GRM7: variants seen among roughly 807,000 people sequenced by gnomAD.
GRM7 encodes glutamate metabotropic receptor 7.
A neutral mutation model predicts 84.5 loss-of-function variants in GRM7; 35 were observed. That is an observed-to-expected ratio of 0.41 (90% confidence interval 0.32 to 0.55). The LOEUF (loss-of-function observed/expected upper bound fraction) is 0.55. Ranked by LOEUF, GRM7 falls within the 20% of genes least tolerant of loss-of-function variation. The pLI is 0.19. For synonymous variants in GRM7, 487 were observed against 455.1 expected (o/e 1.07, Z -0.89); for missense variants, 1,003 against 1,194.6 (o/e 0.84, Z 2.36).
At chr3:7,068,826 C>A (rs11928877) in intron 1 of GRM7, among the ~76,000 whole-genome samples, 18,594 of 151,768 alleles carry the variant, frequency 0.12, 1,685 homozygotes, top group African/African-American at 0.25. Context: ...CTCAAAAAAA[C>A]CCCTGATATA....
intron 7 of GRM7, among the ~76,000 whole-genome samples, chr3:7,461,996 A>G (rs1258309473): frequency 1.3e-5 from 2 of 152,154 alleles, no homozygotes; most frequent in Non-Finnish European, 2.9e-5. Flanking sequence ...ACAGGTTACT[A>G]CTTAGCAATT....
chr3:7,475,741 C>G (rs924857779), intron 7 of GRM7, among the ~76,000 whole-genome samples: 1 of 152,160 alleles, frequency 6.6e-6, no homozygotes, highest in African/African-American at 2.4e-5. Flanking sequence ...TTTCTGGAAG[C>G]CTTGCAGATT....
intron 4 of GRM7, among the ~76,000 whole-genome samples, chr3:7,390,796 C>G (rs1021549499): frequency 4.6e-5 from 7 of 151,756 alleles, no homozygotes; most frequent in Admixed American, 1.3e-4. Flanking sequence ...TTTCTTGGGT[C>G]TGGTTGAGTT....
chr3:7,473,489 G>GGGGAGAGAGAGA (rs1553603707), intron 7 of GRM7, among the ~76,000 whole-genome samples: 70 of 126,502 alleles, frequency 5.5e-4, no homozygotes, highest in African/African-American at 2.0e-3. Flanking sequence ...AAAACGAGAG[G>GGGGAGAGAGAGA]GAGAGAGAGA....
At chr3:7,321,781 A>G (rs1700792394) in intron 4 of GRM7, among the ~76,000 whole-genome samples, 1 of 152,140 alleles carries the variant, frequency 6.6e-6, no homozygotes, top group Admixed American at 6.6e-5. Context: ...AATTTATTCT[A>G]CATAAGCCAA....
chr3:7,205,623 A>G (rs1459111770), intron 2 of GRM7, among the ~76,000 whole-genome samples: 3 of 152,232 alleles, frequency 2.0e-5, no homozygotes, highest in Admixed American at 2.0e-4. Context: ...CTATTTGAGG[A>G]TGAATTTAAC....
chr3:7,342,295 G>GCTGT (rs1692676544), intron 4 of GRM7, among the ~76,000 whole-genome samples: 1 of 152,088 alleles, frequency 6.6e-6, no homozygotes, highest in African/African-American at 2.4e-5. Flanking sequence ...TCTCAATCCA[G>GCTGT]ACATCAAAAC....
chr3:6,944,577 T>C (rs986334441), intron 1 of GRM7, among the ~76,000 whole-genome samples: 2 of 152,190 alleles, frequency 1.3e-5, no homozygotes, highest in African/African-American at 2.4e-5. Context: ...TTTGATTTCC[T>C]TAAATTTTGT....
chr3:7,493,559 G>A (rs1699598825), intron 7 of GRM7, among the ~76,000 whole-genome samples: 1 of 151,922 alleles, frequency 6.6e-6, no homozygotes, highest in Non-Finnish European at 1.5e-5. Flanking sequence ...AACCTAACTA[G>A]TAAGTTGAAT....
At chr3:7,604,749 T>A (rs1696481245) in intron 8 of GRM7, among the ~76,000 whole-genome samples, 1 of 152,154 alleles carries the variant, frequency 6.6e-6, no homozygotes, top group African/African-American at 2.4e-5. Context: ...ATTGAAACCA[T>A]ACAAATACAT....
At chr3:7,394,492 C>T (rs765459861) in intron 4 of GRM7, among the ~76,000 whole-genome samples, 11 of 152,148 alleles carry the variant, frequency 7.2e-5, no homozygotes, top group African/African-American at 1.2e-4. Flanking sequence ...ATATAGTTCT[C>T]GTTGAGTGTT....
rs1702652700 is a variant in GRM7 at position 7,740,477 on chromosome 3, C to G, written c.*71C>G. 16 of 851,882 alleles carry G rather than the reference C, an allele frequency of 1.9e-5. No individual in the cohort carries two copies. The highest frequency in any genetic ancestry group is 2.8e-5 in the Non-Finnish European group (15 of 542,988). The allele number at this position is 851,882 out of a possible 1,614,324, so 52.8% of individuals were successfully genotyped here. On this transcript the variant is annotated 3_prime_UTR_variant, in exon 10 of 10. Coordinates refer to ENST00000357716, the MANE Select transcript of GRM7 (RefSeq NM_000844.4). Reference sequence around the variant, plus strand: ...TTTTGTCACCCAACCTGGCATAGGACTCTTTGGTCCTACCCGCTTCCCATC... The same window carrying G: ...TTTTGTCACCCAACCTGGCATAGGAGTCTTTGGTCCTACCCGCTTCCCATC...
chr3:7,425,161 C>T (rs956058591), intron 5 of GRM7, among the ~76,000 whole-genome samples: 14 of 152,142 alleles, frequency 9.2e-5, no homozygotes, highest in East Asian at 7.7e-4. Flanking sequence ...CATAAGGGCT[C>T]GTAGTAGAAC....
At chr3:7,312,920 TTTTTTTTC>T (rs1428887877) in intron 4 of GRM7, among the ~76,000 whole-genome samples, 9 of 139,752 alleles carry the variant, frequency 6.4e-5, no homozygotes, top group East Asian at 4.1e-4. Flanking sequence ...CTTCTCCTCC[TTTTTTTTC>T]TTTTTTTCTT....
chr3:7,531,150 G>T (rs574028378), intron 7 of GRM7, among the ~76,000 whole-genome samples: 125 of 152,252 alleles, frequency 8.2e-4, no homozygotes, highest in African/African-American at 2.9e-3. Context: ...TCCAGTTTCA[G>T]TTTTCTGCAA....
chr3:7,446,662 G>C (rs1451162236), intron 5 of GRM7, among the ~76,000 whole-genome samples: 1 of 152,004 alleles, frequency 6.6e-6, no homozygotes, highest in Non-Finnish European at 1.5e-5. Flanking sequence ...GTTTCACCAT[G>C]TTGGCCAGGC....
intron 2 of GRM7, among the ~76,000 whole-genome samples, chr3:7,178,007 T>C (rs1443336697): frequency 1.3e-5 from 2 of 152,248 alleles, no homozygotes; most frequent in African/African-American, 4.8e-5. Context: ...TTTTTCTTCT[T>C]GCTTTTGCTC....
intron 2 of GRM7, among the ~76,000 whole-genome samples, chr3:7,190,281 T>C (rs1695667821): frequency 6.6e-6 from 1 of 152,196 alleles, no homozygotes; most frequent in African/African-American, 2.4e-5. Flanking sequence ...ATTCATTTTA[T>C]ATTAGTAAGC....
At chr3:6,868,374 C>A (rs989217698) in intron 1 of GRM7, among the ~76,000 whole-genome samples, 2 of 152,144 alleles carry the variant, frequency 1.3e-5, no homozygotes, top group Non-Finnish European at 2.9e-5. Context: ...ATTGCTTAAG[C>A]GTATCTATTT....
Sources: gnomAD v4.1 joint callset for allele counts (sites outside exome capture counted in the v4.1 genomes callset) on GRCh38, gnomAD v4.1.1 for gene constraint, MANE v1.5 for transcripts, NCBI Gene and HGNC (gene_info 2026-07-23, HGNC 2026-07-21) for gene names.